Variants in APPBP2 observed in about 807,000 individuals in gnomAD.
APPBP2 encodes amyloid beta precursor protein binding protein 2.
A neutral mutation model predicts 76.0 loss-of-function variants in APPBP2; 15 were observed. The observed-to-expected ratio is 0.20, with a 90% CI of 0.13 to 0.30. APPBP2 has a LOEUF of 0.30. APPBP2 is among the 10% of genes least tolerant of loss of function. APPBP2 has a pLI of 1.00. For synonymous variants in APPBP2, 222 were observed against 242.2 expected (o/e 0.92, Z 0.77); for missense variants, 401 against 687.2 (o/e 0.58, Z 4.66).
At chr17:60,493,795 A>C (rs2090751367) in intron 3 of APPBP2, among the ~76,000 whole-genome samples, 1 of 150,120 alleles carries the variant, frequency 6.7e-6, no homozygotes, top group Admixed American at 6.6e-5. Flanking sequence ...ATGCGTCACC[A>C]CACTCGGCTA....
At position 60,446,041 on chromosome 17, in the gene APPBP2, C is replaced by T. The variant is rs935128735; in HGVS notation, c.*1540G>A. ...TGGCAGACAGCTTAGATTTTTTTCC[C>T]CTCTCACCCAACATGCATGTTAAAA... On this transcript the variant is annotated 3_prime_UTR_variant, in exon 13 of 13. Coordinates refer to ENST00000083182, the MANE Select transcript of APPBP2 (RefSeq NM_006380.5). 1.3e-5 allele frequency: 2 copies of T among 151,858 alleles called. No individual in the cohort carries two copies. Among genetic ancestry groups the T allele is most frequent in the Non-Finnish European group, 2.9e-5 (2 of 67,996 alleles). The allele number at this position is 151,858 out of a possible 1,614,324, so 9.4% of individuals were successfully genotyped here. A position where few individuals can be genotyped will look rare whatever the true frequency, so the allele number is the denominator to read the frequency against.
intron 1 of APPBP2, among the ~76,000 whole-genome samples, chr17:60,519,705 G>C (rs982561682): frequency 1.6e-4 from 24 of 151,106 alleles, no homozygotes; most frequent in Admixed American, 3.3e-4. Flanking sequence ...AAGAAATTTT[G>C]GTCATTTCCC....
chr17:60,493,633 C>CTT (rs150636419), intron 3 of APPBP2, among the ~76,000 whole-genome samples: 5 of 141,710 alleles, frequency 3.5e-5, no homozygotes, highest in African/African-American at 1.1e-4. Context: ...CATGCCCAGC[C>CTT]TTTTTTTTTT....
At chr17:60,499,230 C>G (rs1325574784) in intron 2 of APPBP2, among the ~76,000 whole-genome samples, 3 of 151,552 alleles carry the variant, frequency 2.0e-5, no homozygotes, top group African/African-American at 7.3e-5. Flanking sequence ...ACTCAGGAGG[C>G]TGAGGTGGGA....
intron 1 of APPBP2, among the ~76,000 whole-genome samples, chr17:60,519,687 C>T (rs969420142): frequency 6.6e-6 from 1 of 150,422 alleles, no homozygotes; most frequent in South Asian, 2.1e-4. Context: ...AAAACAATTT[C>T]TTTAAAGAAG....
In APPBP2 at chr17:60,445,964, G is replaced by T. The variant is rs952763040; in HGVS notation, c.*1617C>A. On this transcript the variant is annotated 3_prime_UTR_variant, in exon 13 of 13. Transcript: ENST00000083182. ...AAACAAGGTTGGGAAGTTCAAAAAA[G>T]TGCTTAAAATATTAATAAAATTTGA... 7 of 152,040 alleles carry T rather than the reference G, an allele frequency of 4.6e-5. No individual in the cohort carries two copies. The highest frequency in any genetic ancestry group is 1.7e-4 in the African/African-American group (7 of 41,402). The allele number at this position is 152,040 out of a possible 1,614,324, so 9.4% of individuals were successfully genotyped here. A position where few individuals can be genotyped will look rare whatever the true frequency, so the allele number is the denominator to read the frequency against.
chr17:60,496,691 C>G (rs1256765131), intron 2 of APPBP2, among the ~76,000 whole-genome samples: 1 of 151,956 alleles, frequency 6.6e-6, no homozygotes, highest in Non-Finnish European at 1.5e-5. Context: ...TCAAAGTTAC[C>G]CTTGAACACT....
rs911162817 is a variant in APPBP2 at position 60,478,523 on chromosome 17, C to T, written c.503+625G>A. Among the ~76,000 whole-genome samples, 6 of 152,144 alleles carry T rather than the reference C, an allele frequency of 3.9e-5. No homozygotes were observed. The South Asian group carries it at 6.2e-4, about 16-fold the overall frequency. ...AGAAAAAGTACATTTCTGGAGTTTC[C>T]GAGCATCCAGTGTCTACCACAGTTC... On this transcript the variant is annotated intron_variant, in intron 4 of 12. Coordinates refer to ENST00000083182, the MANE Select transcript of APPBP2 (RefSeq NM_006380.5).
At chr17:60,504,173 G>A (rs1473695272) in intron 1 of APPBP2, among the ~76,000 whole-genome samples, 22 of 152,086 alleles carry the variant, frequency 1.4e-4, no homozygotes, top group Admixed American at 1.4e-3. Context: ...GTAGCATAAT[G>A]AAGCTATTAA....
intron 4 of APPBP2, among the ~76,000 whole-genome samples, chr17:60,474,221 A>G (rs575536589): frequency 6.7e-6 from 1 of 149,428 alleles, no homozygotes; most frequent in African/African-American, 2.4e-5. Context: ...CCCAGGTTGG[A>G]GTGCAATGGT....
chr17:60,504,630 T>C (rs2090851906), intron 1 of APPBP2, among the ~76,000 whole-genome samples: 1 of 152,180 alleles, frequency 6.6e-6, no homozygotes, highest in Non-Finnish European at 1.5e-5. Context: ...CTGGCCAACA[T>C]GGCGAAACCC....
chr17:60,473,730 C>T (rs980628916), intron 4 of APPBP2, among the ~76,000 whole-genome samples: 5 of 152,124 alleles, frequency 3.3e-5, no homozygotes, highest in African/African-American at 1.2e-4. Context: ...ATTAAATTTT[C>T]AAAAATCGCT....
At chr17:60,499,007 G>A (rs898788591) in intron 2 of APPBP2, among the ~76,000 whole-genome samples, 3 of 151,804 alleles carry the variant, frequency 2.0e-5, no homozygotes, top group African/African-American at 4.8e-5. Flanking sequence ...AAAAATAAAC[G>A]TAACTTCATG....
At chr17:60,451,855 T>C (rs747173768) in intron 12 of APPBP2, 25 bp downstream of exon 12, 1 of 1,579,068 alleles carries the variant, frequency 6.3e-7, no homozygotes, top group South Asian at 1.1e-5. Flanking sequence ...ATCAACTGAC[T>C]AAAGAAAATT....
At chr17:60,494,703 A>G in intron 2 of APPBP2, 86 bp from the exon 3 acceptor site, 3 of 1,169,780 alleles carry the variant, frequency 2.6e-6, no homozygotes, top group Non-Finnish European at 3.5e-6. Context: ...TTTAAATAAT[A>G]GCACCATTAT....
intron 1 of APPBP2, among the ~76,000 whole-genome samples, chr17:60,516,689 G>C (rs553131380): frequency 6.6e-6 from 1 of 152,316 alleles, no homozygotes; most frequent in Non-Finnish European, 1.5e-5. Flanking sequence ...ACATTCATAA[G>C]TGTATATATC....
Position 60,447,454 on chromosome 17 carries a change from G to C in APPBP2, c.*127C>G, listed in dbSNP as rs1315738811. On this transcript the variant is annotated 3_prime_UTR_variant, in exon 13 of 13. Transcript: ENST00000083182. ...TGCAAGATAGGGATCACCCAAAATAGGGTCTTCAATGGACTGGACCAGTGT... is the reference window on the plus strand; with the variant it reads ...TGCAAGATAGGGATCACCCAAAATACGGTCTTCAATGGACTGGACCAGTGT... 4.0e-5 allele frequency: 42 copies of C among 1,057,094 alleles called. No homozygotes were observed. Among genetic ancestry groups the C allele is most frequent in the Non-Finnish European group, 5.3e-5 (39 of 738,376 alleles). 65.5% of individuals were successfully genotyped at this position (1,057,094 alleles called of 1,614,324 possible).
chr17:60,512,789 T>C (rs1446151081), intron 1 of APPBP2, among the ~76,000 whole-genome samples: 3 of 7,686 alleles, frequency 3.9e-4, no homozygotes, highest in Non-Finnish European at 5.8e-4. Flanking sequence ...GAGCCGAGAC[T>C]GCCCATTACA....
chr17:60,475,648 T>TACACACACACACACACACACACAC (rs72415327), intron 4 of APPBP2, among the ~76,000 whole-genome samples: 5 of 129,264 alleles, frequency 3.9e-5, no homozygotes, highest in African/African-American at 1.5e-4. Context: ...CAACTCTTTA[T>TACACACACACACACACACACACAC]ACACACACAC....
Sources: gnomAD v4.1 joint callset for allele counts (sites outside exome capture counted in the v4.1 genomes callset) on GRCh38, gnomAD v4.1.1 for gene constraint, MANE v1.5 for transcripts, NCBI Gene and HGNC (gene_info 2026-07-23, HGNC 2026-07-21) for gene names.